Variants in PTPN13 observed in about 807,000 individuals in gnomAD.
PTPN13 encodes tyrosine-protein phosphatase non-receptor type 13.
In PTPN13, 191 loss-of-function variants were observed where a neutral mutation model predicts 284.0. The ratio of observed to expected loss-of-function variants is 0.67; its 90% confidence interval spans 0.60 to 0.76. The LOEUF (loss-of-function observed/expected upper bound fraction) is 0.76, where lower values mean the gene tolerates loss of function less well. Ranked by LOEUF, PTPN13 falls within the 30% of genes least tolerant of loss-of-function variation. The probability of loss-of-function intolerance (pLI) is 0.00; values close to 1 mark genes in which losing one functional copy is unlikely to be tolerated. For synonymous variants in PTPN13, 986 were observed against 1,022.3 expected (o/e 0.96, Z 0.68); for missense variants, 2,797 against 2,939.9 (o/e 0.95, Z 1.12).
At chr4:86,711,598 C>T (rs1345311992) in intron 7 of PTPN13, among the ~76,000 whole-genome samples, 2 of 151,924 alleles carry the variant, frequency 1.3e-5, no homozygotes, top group African/African-American at 4.8e-5. Context: ...AACTAAAGTA[C>T]TCATAGGAAG....
At chr4:86,810,358 A>G (rs1305847900) in intron 46 of PTPN13, among the ~76,000 whole-genome samples, 1 of 152,118 alleles carries the variant, frequency 6.6e-6, no homozygotes, top group Admixed American at 6.5e-5. Context: ...TATTTTTTTA[A>G]TGAAAAAGCT....
At chr4:86,777,945 G>C (rs28404766) in intron 35 of PTPN13, among the ~76,000 whole-genome samples, 2,315 of 152,242 alleles carry the variant, frequency 0.015, 74 homozygotes, top group African/African-American at 0.053. Context: ...GCTAACTTTA[G>C]GTCCAACTGA....
At chr4:86,791,270 A>G (rs1451525009) in intron 40 of PTPN13, among the ~76,000 whole-genome samples, 13 of 152,158 alleles carry the variant, frequency 8.5e-5, no homozygotes, top group Non-Finnish European at 1.6e-4. Context: ...TCAACCTGTG[A>G]CACTGCAGCT....
At chr4:86,785,095 C>A in intron 38 of PTPN13, 136 bp from the exon 39 acceptor site, 1 of 629,630 alleles carries the variant, frequency 1.6e-6, no homozygotes, top group Non-Finnish European at 2.6e-6. Flanking sequence ...GTGTAAACTA[C>A]TTTTCCAGTC....
chr4:86,754,928 C>T (rs995121056), intron 20 of PTPN13, among the ~76,000 whole-genome samples: 4 of 152,008 alleles, frequency 2.6e-5, no homozygotes, highest in Non-Finnish European at 4.4e-5. Context: ...TTCTTCAAAA[C>T]GCTCTTTGAA....
chr4:86,800,806 G>T (rs1183658024), intron 42 of PTPN13, among the ~76,000 whole-genome samples: 1 of 152,182 alleles, frequency 6.6e-6, no homozygotes, highest in Non-Finnish European at 1.5e-5. Context: ...TGTACAACAT[G>T]CATGTCCAGC....
intron 1 of PTPN13, among the ~76,000 whole-genome samples, chr4:86,617,461 C>T (rs570216226): frequency 6.6e-6 from 1 of 152,028 alleles, no homozygotes; most frequent in Non-Finnish European, 1.5e-5. Flanking sequence ...TTTTAGGGTA[C>T]ATGTGCACAA....
chr4:86,780,571 T>A, intron 36 of PTPN13, 99 bp downstream of exon 36: 1 of 794,106 alleles, frequency 1.3e-6, no homozygotes, highest in Non-Finnish European at 2.2e-6. Context: ...TTAAAAATTA[T>A]AACTTACACC....
At chr4:86,626,246 A>G (rs1473726805) in intron 1 of PTPN13, among the ~76,000 whole-genome samples, 1 of 152,150 alleles carries the variant, frequency 6.6e-6, no homozygotes, top group Non-Finnish European at 1.5e-5. Context: ...TTCTATTTAG[A>G]TAAGTAGTTG....
At chr4:86,615,957 G>A (rs574787363) in intron 1 of PTPN13, among the ~76,000 whole-genome samples, 1 of 152,164 alleles carries the variant, frequency 6.6e-6, no homozygotes, top group African/African-American at 2.4e-5. Flanking sequence ...CTGATTTACA[G>A]GGTCTAAGCT....
rs771759735 is a variant in PTPN13, at chr4:86,762,893, G to A, written c.3720G>A (p.Arg1240=). 1 of 1,613,864 alleles carries A rather than the reference G, an allele frequency of 6.2e-7. No homozygotes were observed. The highest frequency in any genetic ancestry group is 8.5e-7 in the Non-Finnish European group (1 of 1,179,836). The change falls in exon 24 of 48, where the codon CGG becomes CGA. Residue 1240 remains arginine, a synonymous_variant. Transcript: ENST00000411767. The stretch of plus-strand genomic sequence containing the variant: ...CCTTTGGGCCATCTGGGGGCCTGCG[G>A]GAAGGAAGCCTGAGTTCTCAAGATT... The part of the protein sequence containing the change: ...ENSFGPSGGL[R]EGSLSSQDSR...
chr4:86,628,107 TG>T (rs1213381352), intron 1 of PTPN13, among the ~76,000 whole-genome samples: 1 of 152,170 alleles, frequency 6.6e-6, no homozygotes, highest in Admixed American at 6.6e-5. Flanking sequence ...ATATGTTAAG[TG>T]TATATTTAAC....
chr4:86,795,344 A>G (rs539891091), intron 40 of PTPN13, among the ~76,000 whole-genome samples: 2 of 152,224 alleles, frequency 1.3e-5, no homozygotes, highest in Non-Finnish European at 2.9e-5. Context: ...ATGAGATACC[A>G]TCTCATGCCG....
At position 86,762,873 on chromosome 4, in the gene PTPN13, G is replaced by T. The variant is rs755931344; in HGVS notation, c.3700G>T (p.Gly1234Trp). The T allele has an allele frequency of 6.2e-7, 1 of 1,613,842 alleles. No homozygotes were observed. The highest frequency in any genetic ancestry group is 2.2e-5 in the East Asian group (1 of 44,870). Reference sequence around the variant, plus strand: ...GAGGCACATCTCGGAGAACTCCTTTGGGCCATCTGGGGGCCTGCGGGAAGG... The same window carrying T: ...GAGGCACATCTCGGAGAACTCCTTTTGGCCATCTGGGGGCCTGCGGGAAGG... ...TLRHISENSF[G>W]PSGGLREGSL... Residue 1234 changes from glycine (G) to tryptophan (W), a missense_variant, in exon 24 of 48, where the codon GGG (glycine) becomes TGG (tryptophan). Gly to Trp is a radical substitution (Grantham distance 184). Transcript: ENST00000411767.
chr4:86,601,781 G>A (rs1241703288), intron 1 of PTPN13, among the ~76,000 whole-genome samples: 1 of 152,164 alleles, frequency 6.6e-6, no homozygotes, highest in African/African-American at 2.4e-5. Context: ...CTGTCTGTGA[G>A]CCACAATGTT....
chr4:86,764,911 A>T (rs1295514083), intron 25 of PTPN13, among the ~76,000 whole-genome samples, 187 bp downstream of exon 25: 4 of 152,202 alleles, frequency 2.6e-5, no homozygotes, highest in Non-Finnish European at 2.9e-5. Flanking sequence ...CTGTGATTTT[A>T]AAAAAATTAG....
intron 28 of PTPN13, among the ~76,000 whole-genome samples, chr4:86,768,890 A>G (rs1048047785): frequency 2.0e-5 from 3 of 151,804 alleles, no homozygotes; most frequent in Admixed American, 2.0e-4. Flanking sequence ...TTGTATTTTT[A>G]GTACAGACGG....
intron 28 of PTPN13, 41 bp downstream of exon 28, chr4:86,768,017 C>A: frequency 6.4e-7 from 1 of 1,556,248 alleles, no homozygotes. Context: ...TTAAATTATT[C>A]CTCGCCTATT....
rs182566965 is a variant in PTPN13, at chr4:86,748,687, G to A, written c.2651-1783G>A. 1.4e-4 allele frequency among the ~76,000 whole-genome samples: 22 copies of A among 151,878 alleles called. No individual in the cohort carries two copies. The East Asian group carries it at 3.1e-3, about 21-fold the overall frequency. On this transcript the variant is annotated intron_variant, in intron 17 of 47. Coordinates refer to ENST00000411767, the MANE Select transcript of PTPN13 (RefSeq NM_080683.3). ...AAATTTTTTTTTTTAATGTAGTATC[G>A]CTCTGTTGCTCAGGCTGGAGTGCAG... is the stretch of plus-strand genomic sequence containing the variant.
Sources: allele counts gnomAD v4.1 joint callset (sites outside exome capture counted in the v4.1 genomes callset), GRCh38; gene constraint gnomAD v4.1.1; transcripts MANE v1.5; gene names NCBI Gene and HGNC (gene_info 2026-07-23, HGNC 2026-07-21).